Variants in ASIC2 observed in about 807,000 individuals in gnomAD.
ASIC2 encodes the protein acid-sensing ion channel 2.
ASIC2 carries 25 observed loss-of-function variants against 57.3 expected under a neutral mutation model. That is an observed-to-expected ratio of 0.44 (90% CI 0.32 to 0.61). The LOEUF (loss-of-function observed/expected upper bound fraction) is 0.61. ASIC2 is among the 20% of genes least tolerant of loss of function. The probability of loss-of-function intolerance (pLI) is 0.06; values close to 1 mark genes in which losing one functional copy is unlikely to be tolerated. For synonymous variants in ASIC2, 319 were observed against 307.5 expected, an observed-to-expected ratio of 1.04 and a Z score of -0.39; for missense variants, 641 against 738.1, an observed-to-expected ratio of 0.87 and a Z score of 1.52.
At chr17:33,873,643 A>T (rs1206637347) in intron 1 of ASIC2, among the ~76,000 whole-genome samples, 2 of 152,222 alleles carry the variant, frequency 1.3e-5, no homozygotes, top group Admixed American at 6.5e-5. Context: ...GAATTGTTGT[A>T]AAGATTAAAA....
At chr17:33,495,162 T>A (rs1913887272) in intron 1 of ASIC2, among the ~76,000 whole-genome samples, 1 of 152,202 alleles carries the variant, frequency 6.6e-6, no homozygotes, top group African/African-American at 2.4e-5. Flanking sequence ...ATGCAAGTTC[T>A]GCCCCTGAGA....
intron 1 of ASIC2, among the ~76,000 whole-genome samples, chr17:33,749,584 A>G (rs1308221707): frequency 2.6e-5 from 4 of 151,704 alleles, no homozygotes; most frequent in African/African-American, 9.7e-5. Flanking sequence ...CCCCATCTGG[A>G]CCGCCCTCTC....
chr17:33,330,402 C>G (rs1322394442), intron 1 of ASIC2, among the ~76,000 whole-genome samples: 2 of 152,158 alleles, frequency 1.3e-5, no homozygotes, highest in East Asian at 3.9e-4. Flanking sequence ...CCCACAGAGT[C>G]AGTGACAAAC....
chr17:33,390,751 A>C (rs140099505), intron 1 of ASIC2, among the ~76,000 whole-genome samples: 48 of 152,362 alleles, frequency 3.2e-4, no homozygotes, highest in African/African-American at 1.1e-3. Context: ...AATGCGTCAG[A>C]GCGCACGGGA....
At chr17:33,494,448 T>A (rs1913862409) in intron 1 of ASIC2, among the ~76,000 whole-genome samples, 1 of 152,204 alleles carries the variant, frequency 6.6e-6, no homozygotes, top group African/African-American at 2.4e-5. Flanking sequence ...AAGCCACATA[T>A]TCCTCCTCTT....
chr17:33,620,252 A>AAC (rs1285261638), intron 1 of ASIC2, among the ~76,000 whole-genome samples: 1 of 151,584 alleles, frequency 6.6e-6, no homozygotes, highest in Non-Finnish European at 1.5e-5. Context: ...AAAAAAAAAA[A>AAC]AAAAAAAAAC....
At chr17:33,183,949 C>T (rs1011169398) in intron 1 of ASIC2, among the ~76,000 whole-genome samples, 8 of 152,174 alleles carry the variant, frequency 5.3e-5, no homozygotes, top group African/African-American at 1.4e-4. Flanking sequence ...CTCTGGGCTT[C>T]GGTTTCCTCT....
intron 1 of ASIC2, among the ~76,000 whole-genome samples, chr17:33,324,951 GC>G (rs1427087617): frequency 2.0e-5 from 3 of 152,192 alleles, no homozygotes; most frequent in Admixed American, 6.5e-5. Flanking sequence ...TGGGATTCCT[GC>G]CCAGTCCAGA....
At chr17:33,059,982 C>A (rs2092014007) in intron 3 of ASIC2, among the ~76,000 whole-genome samples, 1 of 152,102 alleles carries the variant, frequency 6.6e-6, no homozygotes, top group Non-Finnish European at 1.5e-5. Context: ...CTGTTCATAT[C>A]CTTTGCCCAC....
At position 33,942,677 on chromosome 17, in the gene ASIC2, G is replaced by T. The variant is rs116435923; in HGVS notation, c.555+213301C>A. On this transcript the variant is annotated intron_variant, in intron 1 of 9. Coordinates refer to the ASIC2 transcript ENST00000359872. ...GACAAATTGGGGCCCTGAAGTCAGG[G>T]GTCTAGTTTTTTCATTCCTGACTTC... Among the ~76,000 whole-genome samples, 202 of 152,256 alleles carry T rather than the reference G, an allele frequency of 1.3e-3. 1 individual carries two copies. Among genetic ancestry groups the T allele is most frequent in the African/African-American group, 4.6e-3 (192 of 41,552 alleles).
At chr17:33,335,252 C>G (rs983537494) in intron 1 of ASIC2, among the ~76,000 whole-genome samples, 1 of 152,174 alleles carries the variant, frequency 6.6e-6, no homozygotes, top group Non-Finnish European at 1.5e-5. Flanking sequence ...TACAAACAAA[C>G]CCAAGGCATA....
chr17:33,359,621 C>T (rs1456022261), intron 1 of ASIC2, among the ~76,000 whole-genome samples: 1 of 152,196 alleles, frequency 6.6e-6, no homozygotes, highest in African/African-American at 2.4e-5. Flanking sequence ...AACTTCTCCC[C>T]TAAAGCTAAA....
intron 1 of ASIC2, among the ~76,000 whole-genome samples, chr17:33,905,614 T>A (rs1259008553): frequency 6.6e-6 from 1 of 152,182 alleles, no homozygotes; most frequent in East Asian, 1.9e-4. Flanking sequence ...ATATGGGGTT[T>A]GAACCTGTAG....
intron 1 of ASIC2, among the ~76,000 whole-genome samples, chr17:34,063,422 A>G (rs1369401022): frequency 6.6e-6 from 1 of 151,896 alleles, no homozygotes; most frequent in East Asian, 1.9e-4. Flanking sequence ...ATACTGAATG[A>G]GGAAAAGTTG....
At chr17:33,408,338 G>T (rs534145981) in intron 1 of ASIC2, among the ~76,000 whole-genome samples, 13 of 152,178 alleles carry the variant, frequency 8.5e-5, no homozygotes, top group African/African-American at 2.9e-4. Context: ...ACTTGGTTCT[G>T]TCTCTTCCAT....
intron 1 of ASIC2, among the ~76,000 whole-genome samples, chr17:33,579,664 G>C (rs1027176109): frequency 4.6e-5 from 7 of 151,924 alleles, no homozygotes; most frequent in African/African-American, 1.5e-4. Context: ...TGGGCTCCTG[G>C]TCTGGCAGAC....
chr17:33,321,548 A>G (rs1906866719), intron 1 of ASIC2, among the ~76,000 whole-genome samples: 1 of 152,226 alleles, frequency 6.6e-6, no homozygotes, highest in Non-Finnish European at 1.5e-5. Context: ...ATTCCTATGT[A>G]GTACCTCTGG....
At chr17:33,782,561 T>C (rs1188071407) in intron 1 of ASIC2, among the ~76,000 whole-genome samples, 1 of 152,074 alleles carries the variant, frequency 6.6e-6, no homozygotes, top group Non-Finnish European at 1.5e-5. Flanking sequence ...ACCTTGTCTC[T>C]ACTAAAAAAC....
At chr17:33,485,609 C>T (rs1186259459) in intron 1 of ASIC2, among the ~76,000 whole-genome samples, 7 of 152,138 alleles carry the variant, frequency 4.6e-5, no homozygotes, top group Admixed American at 1.3e-4. Context: ...AGTGAGACTC[C>T]GGGACCCCTA....
Sources: allele counts gnomAD v4.1 joint callset (sites outside exome capture counted in the v4.1 genomes callset), GRCh38; gene constraint gnomAD v4.1.1; transcripts MANE v1.5; gene names NCBI Gene and HGNC (gene_info 2026-07-23, HGNC 2026-07-21).